SLC6A15: variants seen among roughly 807,000 people sequenced by gnomAD.
The protein encoded by SLC6A15 is sodium-dependent neutral amino acid transporter B(0)AT2.
A neutral mutation model predicts 68.5 loss-of-function variants in SLC6A15; 33 were observed. The observed-to-expected ratio is 0.48, with a 90% CI of 0.37 to 0.64. The LOEUF is 0.64. Ranked by LOEUF, SLC6A15 falls within the 30% of genes least tolerant of loss-of-function variation. The pLI is 0.00. For missense variants in SLC6A15, 747 were observed against 874.3 expected, an observed-to-expected ratio of 0.85 and a Z score of 1.84; for synonymous variants, 347 against 301.0, an observed-to-expected ratio of 1.15 and a Z score of -1.58.
intron 2 of SLC6A15, among the ~76,000 whole-genome samples, chr12:84,888,527 T>G (rs900644986): frequency 2.6e-5 from 4 of 152,002 alleles, no homozygotes; most frequent in African/African-American, 9.7e-5. Flanking sequence ...AACCAAAAAC[T>G]TTATGTTCTC....
At chr12:84,881,944 T>C (rs757629811) in intron 5 of SLC6A15, 1 of 985,096 alleles carries the variant, frequency 1.0e-6, no homozygotes, top group Admixed American at 6.2e-5. Flanking sequence ...CTTCAAATAT[T>C]GCCCAAATAC....
intron 5 of SLC6A15, chr12:84,883,446 A>C: frequency 8.8e-7 from 1 of 1,134,710 alleles, no homozygotes; most frequent in Non-Finnish European, 1.1e-6. Context: ...TAGAACACCT[A>C]CAGCAGAGAG....
chr12:84,894,444 T>C (rs1291964674), intron 1 of SLC6A15, among the ~76,000 whole-genome samples: 1 of 152,114 alleles, frequency 6.6e-6, no homozygotes, highest in Non-Finnish European at 1.5e-5. Flanking sequence ...GTTCCCACAA[T>C]AAACTTTGGT....
intron 10 of SLC6A15, among the ~76,000 whole-genome samples, chr12:84,865,926 T>C (rs914127446): frequency 2.6e-5 from 4 of 152,154 alleles, no homozygotes; most frequent in Admixed American, 2.6e-4. Flanking sequence ...TGGGCATAAG[T>C]TTTCAACTCC....
intron 1 of SLC6A15, among the ~76,000 whole-genome samples, chr12:84,902,307 A>C (rs907648776): frequency 2.0e-5 from 3 of 152,004 alleles, no homozygotes; most frequent in Admixed American, 6.6e-5. Context: ...TGGGCTACAA[A>C]TAACACACCT....
At chr12:84,870,892 T>G (rs1165056198) in intron 8 of SLC6A15, among the ~76,000 whole-genome samples, 3 of 152,146 alleles carry the variant, frequency 2.0e-5, no homozygotes, top group Non-Finnish European at 4.4e-5. Flanking sequence ...TGCCTATAAT[T>G]AATAAACAGA....
At chr12:84,882,599 T>A (rs1592602014) in intron 5 of SLC6A15, 2 of 368,198 alleles carry the variant, frequency 5.4e-6, no homozygotes, top group Middle Eastern at 2.7e-3. Context: ...TAGGACGGGG[T>A]GAGACATTAT....
At chr12:84,897,619 A>G (rs1872684152) in intron 1 of SLC6A15, among the ~76,000 whole-genome samples, 1 of 152,168 alleles carries the variant, frequency 6.6e-6, no homozygotes, top group Non-Finnish European at 1.5e-5. Context: ...AGATGAAATT[A>G]AAACACTTCT....
chr12:84,903,728 G>A (rs1872997990), intron 1 of SLC6A15, among the ~76,000 whole-genome samples: 1 of 151,940 alleles, frequency 6.6e-6, no homozygotes, highest in Non-Finnish European at 1.5e-5. Context: ...TTCCTATAAG[G>A]ATGCTTGTCA....
intron 1 of SLC6A15, among the ~76,000 whole-genome samples, chr12:84,908,722 T>C (rs1453218343): frequency 6.6e-6 from 1 of 151,590 alleles, no homozygotes. Flanking sequence ...TATTCAAGCA[T>C]ATATATATGT....
intron 2 of SLC6A15, among the ~76,000 whole-genome samples, chr12:84,888,108 A>AG (rs1872204634): frequency 6.6e-6 from 1 of 151,508 alleles, no homozygotes; most frequent in Non-Finnish European, 1.5e-5. Context: ...GGAAAAAAAA[A>AG]AACAGCTGAG....
Position 84,867,139 on chromosome 12 carries a change from C to T in SLC6A15, c.1550G>A (p.Gly517Glu). ...ATCAAACATTGTAACAAAGTAATTT[C>T]CAGAGCGTTGCACAAATATCAGGCC... Reference protein sequence around the residue: ...CIGLIFVQRSGNYFVTMFDDY... With the variant: ...CIGLIFVQRSENYFVTMFDDY... The change falls in exon 10 of 12, where the codon GGA (glycine) becomes GAA (glutamate). Residue 517 changes from glycine (G) to glutamate (E), a missense_variant. Physicochemically the swap from Gly to Glu is moderately conservative, Grantham distance 98 (BLOSUM62 -2). Coordinates refer to ENST00000266682, the MANE Select transcript of SLC6A15 (RefSeq NM_182767.6). 1 of 1,612,250 alleles carries T rather than the reference C, an allele frequency of 6.2e-7. No homozygotes were observed. Among genetic ancestry groups the T allele is most frequent in the Non-Finnish European group, 8.5e-7 (1 of 1,179,104 alleles).
At chr12:84,912,113 A>G (rs1268906731) in intron 1 of SLC6A15, 1 of 151,536 alleles carries the variant, frequency 6.6e-6, no homozygotes, top group East Asian at 1.9e-4. Context: ...CTCTGCCCCA[A>G]CCCTCCCAAC....
At chr12:84,885,705 T>G in intron 3 of SLC6A15, 144 bp from the exon 4 acceptor site, 1 of 1,071,298 alleles carries the variant, frequency 9.3e-7, no homozygotes, top group Non-Finnish European at 1.3e-6. Context: ...TTCTAAAAAG[T>G]TAATGTCTTT....
At chr12:84,864,826 C>T (rs1025838702) in intron 10 of SLC6A15, among the ~76,000 whole-genome samples, 7 of 151,998 alleles carry the variant, frequency 4.6e-5, no homozygotes, top group African/African-American at 1.7e-4. Flanking sequence ...TTGGTGTTTT[C>T]CAAAAATATA....
At chr12:84,877,863 G>A (rs762150828) in intron 5 of SLC6A15, among the ~76,000 whole-genome samples, 8 of 152,054 alleles carry the variant, frequency 5.3e-5, no homozygotes, top group Non-Finnish European at 1.2e-4. Context: ...CTCTAACAGG[G>A]TATAAGCTAG....
intron 5 of SLC6A15, chr12:84,881,557 A>G (rs1871821084): frequency 1.0e-6 from 1 of 985,392 alleles, no homozygotes; most frequent in Non-Finnish European, 1.2e-6. Context: ...TGTCCCTATC[A>G]TACCCCTCTT....
At chr12:84,908,152 T>C (rs984386614) in intron 1 of SLC6A15, among the ~76,000 whole-genome samples, 1 of 152,128 alleles carries the variant, frequency 6.6e-6, no homozygotes, top group South Asian at 2.1e-4. Context: ...GAAGGTTTAA[T>C]ATAGTTATTA....
intron 2 of SLC6A15, among the ~76,000 whole-genome samples, chr12:84,888,781 C>T (rs1414843228): frequency 6.6e-6 from 1 of 152,110 alleles, no homozygotes; most frequent in Non-Finnish European, 1.5e-5. Flanking sequence ...TTCTTTTAAG[C>T]GTGGCACGTT....
Sources: gnomAD v4.1 joint callset for allele counts (sites outside exome capture counted in the v4.1 genomes callset) on GRCh38, gnomAD v4.1.1 for gene constraint, MANE v1.5 for transcripts, NCBI Gene and HGNC (gene_info 2026-07-23, HGNC 2026-07-21) for gene names.